MCOLN2: variants seen among roughly 807,000 people sequenced by gnomAD.
MCOLN2 encodes mucolipin-2.
MCOLN2 carries 57 observed loss-of-function variants against 67.5 expected under a neutral mutation model. That is an observed-to-expected ratio of 0.84 (90% CI 0.68 to 1.05). The LOEUF (loss-of-function observed/expected upper bound fraction) is 1.05, where lower values mean the gene tolerates loss of function less well. Among genes scored for constraint, MCOLN2 ranks in the 50% least tolerant of loss-of-function variants. The probability of loss-of-function intolerance (pLI) is 0.00; values close to 1 mark genes in which losing one functional copy is unlikely to be tolerated. For missense variants in MCOLN2, 620 were observed against 678.8 expected (o/e 0.91, Z 0.96); for synonymous variants, 246 against 233.3 (o/e 1.05, Z -0.50).
At chr1:84,988,067 A>AT (rs1374118935) in intron 1 of MCOLN2, among the ~76,000 whole-genome samples, 4 of 152,114 alleles carry the variant, frequency 2.6e-5, no homozygotes, top group Admixed American at 6.6e-5. Flanking sequence ...TACTGAAATA[A>AT]TTTTTTTAAA....
Position 84,931,446 on chromosome 1 carries a change from AT to A in MCOLN2, c.1457del (p.Tyr486PhefsTer12). ...TAAAAAGGCTGATGAAGGAATATAA[AT>A]ACAGACGACTGAACAGCCACACCAA... ...SILVWLFSRL[Y>X]LYSFISLFIY... is the part of the protein sequence containing the mutation. On this transcript the variant is annotated frameshift_variant, in exon 12 of 14. Transcript: ENST00000370608. LOFTEE classifies it high-confidence loss of function. 1 of 1,611,460 alleles carries A rather than the reference AT, an allele frequency of 6.2e-7. No homozygotes were observed. The highest frequency in any genetic ancestry group is 8.5e-7 in the Non-Finnish European group (1 of 1,177,572).
chr1:84,952,073 C>T (rs1009863993), intron 6 of MCOLN2, among the ~76,000 whole-genome samples, 170 bp downstream of exon 6: 9 of 150,868 alleles, frequency 6.0e-5, no homozygotes, highest in African/African-American at 2.0e-4. Flanking sequence ...GGTGACAGAG[C>T]GAGACTATGT....
chr1:84,964,207 C>T (rs658658), intron 2 of MCOLN2, among the ~76,000 whole-genome samples: 53,159 of 152,052 alleles, frequency 0.35, 9,624 homozygotes, highest in African/African-American at 0.42. Context: ...AGCTGGTACA[C>T]ATGGCATGTC....
intron 1 of MCOLN2, among the ~76,000 whole-genome samples, chr1:84,983,141 C>T (rs1402303339): frequency 6.6e-6 from 1 of 152,128 alleles, no homozygotes; most frequent in Non-Finnish European, 1.5e-5. Context: ...GAGTGGTAAG[C>T]CAGCCTCCCA....
At chr1:84,995,636 T>A (rs889992792) in intron 1 of MCOLN2, among the ~76,000 whole-genome samples, 2 of 152,180 alleles carry the variant, frequency 1.3e-5, no homozygotes, top group Non-Finnish European at 2.9e-5. Context: ...TAAAATTGTC[T>A]TGTTCTAGGT....
At chr1:84,989,636 C>T (rs908984038) in intron 1 of MCOLN2, among the ~76,000 whole-genome samples, 2 of 151,798 alleles carry the variant, frequency 1.3e-5, no homozygotes, top group Non-Finnish European at 2.9e-5. Context: ...TTTAACATGC[C>T]TTTTTAAGTA....
At chr1:84,986,943 A>G (rs1426138224) in intron 1 of MCOLN2, among the ~76,000 whole-genome samples, 1 of 152,158 alleles carries the variant, frequency 6.6e-6, no homozygotes, top group Non-Finnish European at 1.5e-5. Flanking sequence ...ATGTAAACTC[A>G]TACAACCACT....
chr1:84,928,079 T>G (rs1348375920), intron 13 of MCOLN2, among the ~76,000 whole-genome samples: 1 of 152,232 alleles, frequency 6.6e-6, no homozygotes, highest in Non-Finnish European at 1.5e-5. Flanking sequence ...GGATCTAGGC[T>G]TTGGTCTGAT....
chr1:84,964,280 G>A (rs141392614), intron 2 of MCOLN2, among the ~76,000 whole-genome samples: 8 of 152,246 alleles, frequency 5.3e-5, no homozygotes, highest in Admixed American at 2.6e-4. Flanking sequence ...GGCAGGGACC[G>A]TCTCCCATTT....
intron 1 of MCOLN2, among the ~76,000 whole-genome samples, chr1:84,984,580 G>A (rs1650411918): frequency 6.6e-6 from 1 of 152,192 alleles, no homozygotes; most frequent in Admixed American, 6.5e-5. Flanking sequence ...CCTGGGAAAG[G>A]AAGCCTGAAA....
At position 84,930,236 on chromosome 1, in the gene MCOLN2, C is replaced by T. The variant is rs1481343486; in HGVS notation, c.1543-557G>A. ...TAGGATTATACCACTGTCCTCCAGC[C>T]TGGGAAACAGAGCAAGACCCTCTCT... On this transcript the variant is annotated intron_variant, in intron 12 of 13. Transcript: ENST00000370608. 2.0e-5 allele frequency among the ~76,000 whole-genome samples: 3 copies of T among 151,526 alleles called. No individual in the cohort carries two copies. The East Asian group carries it at 5.8e-4, about 29-fold the overall frequency.
intron 1 of MCOLN2, among the ~76,000 whole-genome samples, chr1:84,980,021 A>C (rs1489076263): frequency 6.6e-6 from 1 of 152,220 alleles, no homozygotes; most frequent in African/African-American, 2.4e-5. Flanking sequence ...TAGCATTTCT[A>C]TGTGCAAGAG....
intron 1 of MCOLN2, among the ~76,000 whole-genome samples, chr1:84,976,808 A>G (rs552871583): frequency 6.6e-6 from 1 of 152,300 alleles, no homozygotes; most frequent in South Asian, 2.1e-4. Context: ...GAGGGATTTC[A>G]TCAACACCAG....
chr1:84,979,536 A>G (rs1190953089), intron 1 of MCOLN2, among the ~76,000 whole-genome samples: 1 of 152,342 alleles, frequency 6.6e-6, no homozygotes, highest in South Asian at 2.1e-4. Context: ...AAATCAATCA[A>G]TGTGATGCAT....
chr1:84,974,699 C>T (rs897356896), intron 1 of MCOLN2, among the ~76,000 whole-genome samples: 2 of 152,030 alleles, frequency 1.3e-5, no homozygotes, highest in African/African-American at 2.4e-5. Context: ...AGGTTCATCT[C>T]GGCTATTGGG....
rs943008091 is a variant in MCOLN2 at position 84,996,868 on chromosome 1, G to C, written c.5C>G (p.Ala2Gly). The C allele has an allele frequency of 2.5e-6, 4 of 1,613,990 alleles. No individual in the cohort carries two copies. Among genetic ancestry groups the C allele is most frequent in the Non-Finnish European group, 2.5e-6 (3 of 1,179,886 alleles). Residue 2 changes from alanine (A) to glycine (G), a missense_variant, in exon 1 of 14, where the codon GCC becomes GGC. By Grantham distance (60) the Ala-to-Gly change is moderately conservative. Coordinates refer to ENST00000370608, the MANE Select transcript of MCOLN2 (RefSeq NM_153259.4). M[A>G]RQPYRFPQAR... ...CTGGGGAAAACGATAAGGCTGCCGGGCCATGCCTCCTCCTTCAAAACTTTC... is the reference window on the plus strand; with the variant it reads ...CTGGGGAAAACGATAAGGCTGCCGGCCCATGCCTCCTCCTTCAAAACTTTC...
chr1:84,951,164 T>G (rs970072533), intron 6 of MCOLN2, among the ~76,000 whole-genome samples: 2 of 152,218 alleles, frequency 1.3e-5, no homozygotes, highest in African/African-American at 4.8e-5. Context: ...TTTCGTTTAC[T>G]TGTTTTTCTG....
At chr1:84,983,198 G>T (rs1650344253) in intron 1 of MCOLN2, among the ~76,000 whole-genome samples, 1 of 152,060 alleles carries the variant, frequency 6.6e-6, no homozygotes. Context: ...GCACAATCTG[G>T]TCTCACCTAA....
intron 1 of MCOLN2, among the ~76,000 whole-genome samples, chr1:84,967,176 A>C (rs1649420524): frequency 6.6e-6 from 1 of 152,246 alleles, no homozygotes; most frequent in Non-Finnish European, 1.5e-5. Context: ...AGAGCTTGTC[A>C]GAGACTGAAG....
Sources: allele counts gnomAD v4.1 joint callset (sites outside exome capture counted in the v4.1 genomes callset), GRCh38; gene constraint gnomAD v4.1.1; transcripts MANE v1.5; gene names NCBI Gene and HGNC (gene_info 2026-07-23, HGNC 2026-07-21).